CRHR1: variants seen among roughly 807,000 people sequenced by gnomAD.
The protein encoded by CRHR1 is corticotropin-releasing hormone receptor 1.
In CRHR1, 28 loss-of-function variants were observed where a neutral mutation model predicts 56.0. That is an observed-to-expected ratio of 0.50 (90% CI 0.37 to 0.69). The LOEUF (loss-of-function observed/expected upper bound fraction) is 0.69, where lower values mean the gene tolerates loss of function less well. Among genes scored for constraint, CRHR1 ranks in the 30% least tolerant of loss-of-function variants. The pLI, the probability that CRHR1 is intolerant of heterozygous loss-of-function variation, is 0.00. For synonymous variants in CRHR1, 195 were observed against 216.5 expected (o/e 0.90, Z 0.87); for missense variants, 376 against 548.0 (o/e 0.69, Z 3.13).
Position 45,833,194 on chromosome 17 carries a change from T to A in CRHR1, c.827T>A (p.Met276Lys). Residue 276 changes from methionine to lysine, a missense_variant, in exon 9 of 13, where the codon ATG (methionine) becomes AAG (lysine). This residue lies in a region of CRHR1 where 369 missense variants were observed against 519.5 expected (regional missense o/e 0.71). Transcript: ENST00000314537. The stretch of plus-strand genomic sequence containing the variant: ...ACCGACTACATCTACCAGGGCCCCA[T>A]GATCCTGGTCCTGCTGGTAAGAACC... ...VYTDYIYQGPMILVLLINFIF... is the reference protein window; with the variant it reads ...VYTDYIYQGPKILVLLINFIF... 1 of 1,614,092 alleles carries A rather than the reference T, an allele frequency of 6.2e-7. No individual in the cohort carries two copies. Among genetic ancestry groups the A allele is most frequent in the Non-Finnish European group, 8.5e-7 (1 of 1,180,014 alleles).
intron 8 of CRHR1, among the ~76,000 whole-genome samples, chr17:45,832,625 A>T (rs1409156359): frequency 2.0e-5 from 3 of 152,130 alleles, no homozygotes; most frequent in Non-Finnish European, 4.4e-5. Flanking sequence ...ACTCGGGAAA[A>T]TGCAAAGCAA....
At position 45,834,968 on chromosome 17, in the gene CRHR1, A is replaced by T. The variant is rs2062407445; in HGVS notation, c.*204A>T. On this transcript the variant is annotated 3_prime_UTR_variant, in exon 13 of 13. Coordinates refer to ENST00000314537, the MANE Select transcript of CRHR1 (RefSeq NM_004382.5). ...TCATGAGTGGAAAGTCACCTACAGG[A>T]CTGGGCCGGGCCCAGGGCCTCTGGC... is the stretch of plus-strand genomic sequence containing the variant. The T allele has an allele frequency of 8.9e-6, 6 of 675,312 alleles. No individual in the cohort carries two copies. The highest frequency in any genetic ancestry group is 1.8e-5 in the African/African-American group (1 of 55,360). The allele number at this position is 675,312 out of a possible 1,614,324, so 41.8% of individuals were successfully genotyped here. A position where few individuals can be genotyped will look rare whatever the true frequency, so the allele number is the denominator to read the frequency against.
At chr17:45,791,417 C>T (rs2061422989) in intron 1 of CRHR1, among the ~76,000 whole-genome samples, 1 of 152,112 alleles carries the variant, frequency 6.6e-6, no homozygotes, top group Non-Finnish European at 1.5e-5. Context: ...TGGATGATTT[C>T]ACTCTTACGG....
chr17:45,832,817 G>A (rs17763199), intron 8 of CRHR1, among the ~76,000 whole-genome samples: 21,792 of 152,312 alleles, frequency 0.14, 2,134 homozygotes, highest in Middle Eastern at 0.22. Context: ...CCAGGGGACT[G>A]TGAGGAGGAG....
chr17:45,812,890 G>A (rs1328045997), intron 2 of CRHR1, among the ~76,000 whole-genome samples: 2 of 152,086 alleles, frequency 1.3e-5, no homozygotes, highest in East Asian at 1.9e-4. Flanking sequence ...CGTGCAAAGC[G>A]CCTTTCACAG....
chr17:45,818,692 C>T (rs909546072), intron 3 of CRHR1, among the ~76,000 whole-genome samples: 1 of 152,118 alleles, frequency 6.6e-6, no homozygotes. Flanking sequence ...AGGTGGAGCA[C>T]GCCCGTGCAG....
intron 8 of CRHR1, among the ~76,000 whole-genome samples, chr17:45,832,346 G>A (rs1598451347): frequency 6.6e-6 from 1 of 152,208 alleles, no homozygotes; most frequent in Admixed American, 6.5e-5. Flanking sequence ...AGAGGATCTG[G>A]GTGTGAGAAA....
Position 45,784,490 on chromosome 17 carries a change from T to C in CRHR1, c.-55T>C. 1 of 1,499,196 alleles carries C rather than the reference T, an allele frequency of 6.7e-7. No homozygotes were observed. Among genetic ancestry groups the C allele is most frequent in the Non-Finnish European group, 8.9e-7 (1 of 1,120,608 alleles). The allele number at this position is 1,499,196 out of a possible 1,614,324, so 92.9% of individuals were successfully genotyped here. ...GAGCCCGCAGCCGCCCGCCGGTCCCTCTGGGATGTCCGTAGGACCCGGGCA... is the reference window on the plus strand; with the variant it reads ...GAGCCCGCAGCCGCCCGCCGGTCCCCCTGGGATGTCCGTAGGACCCGGGCA... On this transcript the variant is annotated 5_prime_UTR_variant, in exon 1 of 13. Transcript: ENST00000314537. The surrounding 1 kb of genome is among the most constrained non-coding windows in gnomAD (Gnocchi z 4.2).
chr17:45,812,136 T>C (rs535228431), intron 2 of CRHR1, among the ~76,000 whole-genome samples: 101 of 152,220 alleles, frequency 6.6e-4, no homozygotes, highest in Non-Finnish European at 1.3e-3. Flanking sequence ...AGATTATTTC[T>C]AATACCTACT....
intron 1 of CRHR1, among the ~76,000 whole-genome samples, chr17:45,803,302 G>A (rs1332663919): frequency 6.6e-6 from 1 of 152,232 alleles, no homozygotes; most frequent in Non-Finnish European, 1.5e-5. Context: ...TTAAGGATTA[G>A]ATGGATAAGT....
At chr17:45,787,056 A>G (rs2061349431) in intron 1 of CRHR1, among the ~76,000 whole-genome samples, 1 of 152,184 alleles carries the variant, frequency 6.6e-6, no homozygotes, top group Non-Finnish European at 1.5e-5. Flanking sequence ...GGTTAATCCC[A>G]AATCCAGCTC....
chr17:45,833,315 A>C lies in CRHR1; in HGVS notation c.843+105A>C, dbSNP rs577619488. On this transcript the variant is annotated intron_variant, in intron 9 of 12. Coordinates refer to ENST00000314537, the MANE Select transcript of CRHR1 (RefSeq NM_004382.5). ...TCTACCTAGAGGTGGGGGCCACCCA[A>C]AGAGGGGGCATGGGTCAGAGATGTG... 45 of 1,454,202 alleles carry C rather than the reference A, an allele frequency of 3.1e-5. No homozygotes were observed. The African/African-American group carries it at 4.9e-4, about 16-fold the overall frequency. 90.1% of individuals were successfully genotyped at this position (1,454,202 alleles called of 1,614,324 possible). A position where few individuals can be genotyped will look rare whatever the true frequency, so the allele number is the denominator to read the frequency against.
chr17:45,798,137 A>T (rs2061554396), intron 1 of CRHR1, among the ~76,000 whole-genome samples: 1 of 152,202 alleles, frequency 6.6e-6, no homozygotes, highest in African/African-American at 2.4e-5. Flanking sequence ...GCAGAAAGTG[A>T]AAACCCATCT....
At chr17:45,804,077 A>T (rs1248993191) in intron 1 of CRHR1, among the ~76,000 whole-genome samples, 2 of 152,176 alleles carry the variant, frequency 1.3e-5, no homozygotes, top group African/African-American at 4.8e-5. Flanking sequence ...GAGGGTAAAG[A>T]TATTTCTCCA....
intron 2 of CRHR1, among the ~76,000 whole-genome samples, chr17:45,812,528 C>T (rs1321012965): frequency 6.6e-6 from 1 of 152,174 alleles, no homozygotes; most frequent in Non-Finnish European, 1.5e-5. Flanking sequence ...TTTTGTGGCA[C>T]TGGAACTGGA....
chr17:45,795,758 A>G (rs2061506245), intron 1 of CRHR1, among the ~76,000 whole-genome samples: 1 of 152,224 alleles, frequency 6.6e-6, no homozygotes, highest in Non-Finnish European at 1.5e-5. Context: ...CTCCCAGGTC[A>G]GGTGTCAAGC....
At position 45,830,938 on chromosome 17, in the gene CRHR1, GAAGT is replaced by G; in HGVS notation, c.770+3_770+6del. 6.2e-7 allele frequency: 1 copy of G among 1,613,852 alleles called. No homozygotes were observed. The highest frequency in any genetic ancestry group is 8.5e-7 in the Non-Finnish European group (1 of 1,179,880). On this transcript the variant is annotated splice_donor_variant and coding_sequence_variant, in exon 8 of 13. Coordinates refer to ENST00000314537, the MANE Select transcript of CRHR1 (RefSeq NM_004382.5). LOFTEE classifies it high-confidence loss of function. The stretch of plus-strand genomic sequence containing the variant: ...TTGGGAAGCTGTACTACGACAATGA[GAAGT>G]AAGTCATCTCCTTTCCCTTCCTGAC...
intron 1 of CRHR1, among the ~76,000 whole-genome samples, chr17:45,804,544 TG>T (rs2061685430): frequency 2.6e-5 from 4 of 151,228 alleles, no homozygotes; most frequent in Admixed American, 2.0e-4. Flanking sequence ...GGGGTGGCCC[TG>T]GTGGGGTGGG....
At chr17:45,790,713 G>A (rs1243480483) in intron 1 of CRHR1, among the ~76,000 whole-genome samples, 1 of 152,164 alleles carries the variant, frequency 6.6e-6, no homozygotes, top group Non-Finnish European at 1.5e-5. Flanking sequence ...GGGAGCCAGT[G>A]CGCCTAGGTC....
Sources: gnomAD v4.1 joint callset for allele counts (sites outside exome capture counted in the v4.1 genomes callset) on GRCh38, gnomAD v4.1.1 for gene constraint, gnomAD v4.1.1 regional missense constraint, Gnocchi (gnomAD v3.1) non-coding constraint, MANE v1.5 for transcripts, NCBI Gene and HGNC (gene_info 2026-07-23, HGNC 2026-07-21) for gene names.